PDE3B: variants seen among roughly 807,000 people sequenced by gnomAD.
PDE3B encodes phosphodiesterase 3B, also known as cGMP-inhibited 3',5'-cyclic phosphodiesterase 3B.
A neutral mutation model predicts 116.8 loss-of-function variants in PDE3B; 66 were observed. The observed-to-expected ratio is 0.56, with a 90% CI of 0.46 to 0.69. The LOEUF is 0.69. PDE3B is among the 30% of genes least tolerant of loss of function. The pLI, the probability that PDE3B is intolerant of heterozygous loss-of-function variation, is 0.00. For missense variants in PDE3B, 1,384 were observed against 1,368.1 expected (o/e 1.01, Z -0.18); for synonymous variants, 595 against 533.6 (o/e 1.12, Z -1.59).
At chr11:14,837,646 T>C (rs1212942312) in intron 11 of PDE3B, among the ~76,000 whole-genome samples, 1 of 152,248 alleles carries the variant, frequency 6.6e-6, no homozygotes, top group South Asian at 2.1e-4. Flanking sequence ...TATAGTATTC[T>C]CTAAGACAAT....
chr11:14,801,126 G>T (rs970263408), intron 4 of PDE3B, among the ~76,000 whole-genome samples: 1 of 151,942 alleles, frequency 6.6e-6, no homozygotes, highest in Admixed American at 6.5e-5. Flanking sequence ...TTAGTTTGTT[G>T]TTACCCACCT....
chr11:14,785,473 A>AAT (rs562424939), intron 2 of PDE3B, among the ~76,000 whole-genome samples: 21 of 152,130 alleles, frequency 1.4e-4, no homozygotes, highest in Non-Finnish European at 2.6e-4. Flanking sequence ...GGGATACTTT[A>AAT]ATAAACAGTT....
the PDE3B span, among the ~76,000 whole-genome samples, chr11:14,884,311 G>A: frequency 3.9e-5 from 6 of 151,920 alleles, no homozygotes; most frequent in Non-Finnish European, 8.8e-5. Context: ...ACTGGATGAA[G>A]AAAATGTGGC....
chr11:14,727,097 T>A (rs1363995342), intron 1 of PDE3B, among the ~76,000 whole-genome samples: 1 of 152,186 alleles, frequency 6.6e-6, no homozygotes, highest in Non-Finnish European at 1.5e-5. Flanking sequence ...AAGTTCTCTT[T>A]CTTCTTTAAT....
intron 1 of PDE3B, among the ~76,000 whole-genome samples, chr11:14,665,437 G>A (rs1476805854): frequency 3.9e-5 from 6 of 152,192 alleles, no homozygotes; most frequent in Non-Finnish European, 7.3e-5. Flanking sequence ...GCAGGAGAAG[G>A]AAATAAAGGG....
intron 4 of PDE3B, among the ~76,000 whole-genome samples, chr11:14,797,811 A>G (rs1858603669): frequency 6.6e-6 from 1 of 152,192 alleles, no homozygotes; most frequent in African/African-American, 2.4e-5. Context: ...GTTGCTTATC[A>G]GCTTAAGGAG....
chr11:14,883,757 A>C, the PDE3B span, among the ~76,000 whole-genome samples: 2 of 152,072 alleles, frequency 1.3e-5, no homozygotes, highest in African/African-American at 2.4e-5. Context: ...AACCTACAAA[A>C]TGGGAGAAAA....
At chr11:14,749,402 C>T (rs1856997350) in intron 1 of PDE3B, among the ~76,000 whole-genome samples, 1 of 152,190 alleles carries the variant, frequency 6.6e-6, no homozygotes, top group South Asian at 2.1e-4. Context: ...GAAGATAATA[C>T]ATTCCATCTT....
chr11:14,693,351 A>T (rs1011598813), intron 1 of PDE3B, among the ~76,000 whole-genome samples: 1 of 152,242 alleles, frequency 6.6e-6, no homozygotes, highest in Non-Finnish European at 1.5e-5. Flanking sequence ...TTTTCAACGT[A>T]GGTAAATCAG....
At chr11:14,743,865 A>G (rs1178913922) in intron 1 of PDE3B, among the ~76,000 whole-genome samples, 4 of 152,158 alleles carry the variant, frequency 2.6e-5, no homozygotes, top group Admixed American at 1.3e-4. Context: ...CCCACCCTGC[A>G]TCTGCTCGCC....
intron 5 of PDE3B, among the ~76,000 whole-genome samples, chr11:14,806,209 T>C (rs1357669308): frequency 5.9e-5 from 9 of 151,898 alleles, no homozygotes; most frequent in Admixed American, 2.0e-4. Flanking sequence ...TCCCAGCACT[T>C]TGGGAGGCCA....
At chr11:14,767,031 A>T (rs1453677480) in intron 1 of PDE3B, among the ~76,000 whole-genome samples, 2 of 151,574 alleles carry the variant, frequency 1.3e-5, no homozygotes, top group African/African-American at 4.8e-5. Flanking sequence ...TGAGAGTTTT[A>T]TAAATCTCTC....
downstream of PDE3B, among the ~76,000 whole-genome samples, chr11:14,875,835 T>G (rs1848182969): frequency 6.6e-6 from 1 of 152,190 alleles, no homozygotes; most frequent in Admixed American, 6.6e-5. Flanking sequence ...GCACATTAAG[T>G]GAAGTTAAGG....
intron 1 of PDE3B, chr11:14,673,815 G>T: frequency 1.1e-6 from 1 of 946,410 alleles, no homozygotes; most frequent in Non-Finnish European, 1.7e-6. Context: ...GGGGTGATCT[G>T]CAAGAATTTC....
At chr11:14,886,109 T>C in the PDE3B span, 2 of 609,580 alleles carry the variant, frequency 3.3e-6, no homozygotes, top group East Asian at 5.8e-5. Context: ...TGTGATTTCA[T>C]TATGCCATTC....
chr11:14,892,910 T>C, the PDE3B span, among the ~76,000 whole-genome samples: 1 of 152,252 alleles, frequency 6.6e-6, no homozygotes, highest in Non-Finnish European at 1.5e-5. Flanking sequence ...GGAGAGTATT[T>C]ACTATTCAAG....
At position 14,869,591 on chromosome 11, in the gene PDE3B, G is replaced by A; in HGVS notation, c.3270G>A (p.Gln1090=). ...GTAAAGCTGATGGGAATAAACTGCA[G>A]GTGGAGAATTCCTCCTTACCTCAAG... ...EKCKADGNKL[Q]VENSSLPQAD... is the part of the protein sequence containing the mutation. Residue 1090 remains glutamine (Q), a synonymous_variant, in exon 16 of 16, where the codon CAG becomes CAA. Transcript: ENST00000282096. 1 of 1,613,938 alleles carries A rather than the reference G, an allele frequency of 6.2e-7. No individual in the cohort carries two copies. Among genetic ancestry groups the A allele is most frequent in the Non-Finnish European group, 8.5e-7 (1 of 1,179,962 alleles).
intron 11 of PDE3B, among the ~76,000 whole-genome samples, chr11:14,840,095 GT>G (rs376954688): frequency 4.6e-5 from 7 of 152,298 alleles, no homozygotes; most frequent in African/African-American, 1.7e-4. Flanking sequence ...AGAGAAGCAT[GT>G]GAAGCAATTT....
At chr11:14,778,794 A>G (rs1418789278) in intron 2 of PDE3B, among the ~76,000 whole-genome samples, 1 of 152,212 alleles carries the variant, frequency 6.6e-6, no homozygotes, top group Non-Finnish European at 1.5e-5. Flanking sequence ...CTCGCCAGCA[A>G]TGGAACAAAG....
Sources: gnomAD v4.1 joint callset for allele counts (sites outside exome capture counted in the v4.1 genomes callset) on GRCh38, gnomAD v4.1.1 for gene constraint, MANE v1.5 for transcripts, NCBI Gene and HGNC (gene_info 2026-07-23, HGNC 2026-07-21) for gene names.